DYRK3: variants seen among roughly 807,000 people sequenced by gnomAD.
The protein encoded by DYRK3 is dual specificity tyrosine-phosphorylation-regulated kinase 3.
In DYRK3, 30 loss-of-function variants were observed where a neutral mutation model predicts 40.8. The ratio of observed to expected loss-of-function variants is 0.74; its 90% CI spans 0.55 to 1.00. The LOEUF is 1.00. Ranked by LOEUF, DYRK3 falls within the 50% of genes least tolerant of loss-of-function variation. The pLI is 0.00. For synonymous variants in DYRK3, 272 were observed against 260.7 expected (o/e 1.04, Z -0.42); for missense variants, 699 against 731.5 (o/e 0.96, Z 0.51).
rs541868763 is a variant in DYRK3 at position 206,646,097 on chromosome 1, GCCTTGGCCTC to G, written c.190-1288_190-1279del. On this transcript the variant is annotated intron_variant, in intron 2 of 2. Transcript: ENST00000367109. ...ACTTCTAACCTCAAGTGATCCACCT[GCCTTGGCCTC>G]CCAGAGTGCTGGGATTACAGGCGTG... 5.9e-5 allele frequency among the ~76,000 whole-genome samples: 9 copies of G among 152,262 alleles called. 1 individual carries two copies. The South Asian group carries it at 1.7e-3, about 28-fold the overall frequency.
rs1671583879 is a variant in DYRK3, at chr1:206,649,830, A to C, written c.*865A>C. On this transcript the variant is annotated 3_prime_UTR_variant, in exon 3 of 3. Coordinates refer to ENST00000367109, the MANE Select transcript of DYRK3 (RefSeq NM_003582.4). ...AGCCTCCTTGCTGCATTTTCATAGA[A>C]TCTCTTCCTTATAAAAGTAATCACT... Among the ~76,000 whole-genome samples, 2 of 152,166 alleles carry C rather than the reference A, an allele frequency of 1.3e-5. No homozygotes were observed. Among genetic ancestry groups the C allele is most frequent in the Admixed American group, 6.5e-5 (1 of 15,278 alleles).
At chr1:206,643,669 G>A (rs150978994) in intron 2 of DYRK3, among the ~76,000 whole-genome samples, 11 of 152,222 alleles carry the variant, frequency 7.2e-5, no homozygotes, top group Middle Eastern at 3.4e-3. Context: ...TTTTATGTGG[G>A]GAGAAAGTGG....
chr1:206,640,606 A>C (rs1417087831), intron 2 of DYRK3, among the ~76,000 whole-genome samples: 1 of 145,284 alleles, frequency 6.9e-6, no homozygotes, highest in Non-Finnish European at 1.5e-5. Flanking sequence ...GCTGGAGTGC[A>C]GTGGCACTAT....
In DYRK3 at chr1:206,635,793, C is replaced by T. The variant is rs1406178817; in HGVS notation, c.77+13C>T. On this transcript the variant is annotated intron_variant, in intron 1 of 2. Coordinates refer to ENST00000367109, the MANE Select transcript of DYRK3 (RefSeq NM_003582.4). ...CCCAGCAGCGGAGGTAACGGCGCCACGGGGTAACGGGCTGGAGGCGCCACA... is the reference window on the plus strand; with the variant it reads ...CCCAGCAGCGGAGGTAACGGCGCCATGGGGTAACGGGCTGGAGGCGCCACA... 7.2e-6 allele frequency: 9 copies of T among 1,241,794 alleles called. No homozygotes were observed. The highest frequency in any genetic ancestry group is 8.4e-5 in the Admixed American group (2 of 23,752). 76.9% of individuals were successfully genotyped at this position (1,241,794 alleles called of 1,614,324 possible).
Position 206,635,562 on chromosome 1 carries a change from C to G in DYRK3, c.-142C>G, listed in dbSNP as rs1484105776. On this transcript the variant is annotated 5_prime_UTR_variant, in exon 1 of 3. Transcript: ENST00000367109. Reference sequence around the variant, plus strand: ...CTTCCCAGCCGGGGCCAGTCGGGAGCGAAAGTGCGCTGAGCTGCAGTGTCT... The same window carrying G: ...CTTCCCAGCCGGGGCCAGTCGGGAGGGAAAGTGCGCTGAGCTGCAGTGTCT... 4 of 1,101,942 alleles carry G rather than the reference C, an allele frequency of 3.6e-6. No individual in the cohort carries two copies. Among genetic ancestry groups the G allele is most frequent in the Non-Finnish European group, 4.6e-6 (4 of 870,148 alleles). The allele number at this position is 1,101,942 out of a possible 1,614,324, so 68.3% of individuals were successfully genotyped here.
intron 2 of DYRK3, among the ~76,000 whole-genome samples, chr1:206,643,390 G>C (rs1187925813): frequency 1.3e-5 from 2 of 152,148 alleles, no homozygotes; most frequent in East Asian, 3.8e-4. Context: ...ATATGTATCT[G>C]TTCTTATTAA....
chr1:206,635,962 C>G (rs1558553491), intron 1 of DYRK3, 182 bp downstream of exon 1: 18 of 1,334,854 alleles, frequency 1.3e-5, no homozygotes, highest in Non-Finnish European at 1.7e-5. Flanking sequence ...TCCCCCCATC[C>G]CTGTCTCACC....
At chr1:206,637,588 A>C in intron 1 of DYRK3, 62 bp from the exon 2 acceptor site, 1 of 1,154,888 alleles carries the variant, frequency 8.7e-7, no homozygotes, top group Non-Finnish European at 1.3e-6. Context: ...TGAAGCAGTT[A>C]AGACATAGGA....
chr1:206,639,345 A>G (rs1347777604), intron 2 of DYRK3, among the ~76,000 whole-genome samples: 3 of 152,010 alleles, frequency 2.0e-5, no homozygotes, highest in Non-Finnish European at 4.4e-5. Flanking sequence ...TCAGAACCAT[A>G]TACATCTTGT....
At position 206,652,600 on chromosome 1, in the gene DYRK3, C is replaced by G. The variant is rs997137737; in HGVS notation, c.*3635C>G. ...AGCAGAGTCATTGAAGTTGGCATAC[C>G]TGTCTTCTGCAGGCCAATTCAAGTT... On this transcript the variant is annotated 3_prime_UTR_variant, in exon 3 of 3. Transcript: ENST00000367109. 2.0e-5 allele frequency among the ~76,000 whole-genome samples: 3 copies of G among 152,178 alleles called. No individual in the cohort carries two copies. Among genetic ancestry groups the G allele is most frequent in the Non-Finnish European group, 2.9e-5 (2 of 68,030 alleles).
In DYRK3 at chr1:206,648,001, G is replaced by T. The variant is rs1671509678; in HGVS notation, c.803G>T (p.Ser268Ile). Reference protein sequence around the residue: ...EHLKKQDKTGSMNVIHMLESF... With the variant: ...EHLKKQDKTGIMNVIHMLESF... The stretch of plus-strand genomic sequence containing the variant: ...CTTAAGAAACAGGATAAAACTGGTA[G>T]TATGAACGTTATCCACATGCTGGAA... Residue 268 changes from serine to isoleucine, a missense_variant, in exon 3 of 3, where the codon AGT (serine) becomes ATT (isoleucine). Coordinates refer to ENST00000367109, the MANE Select transcript of DYRK3 (RefSeq NM_003582.4). 5.0e-6 allele frequency: 8 copies of T among 1,614,012 alleles called. No individual in the cohort carries two copies. The highest frequency in any genetic ancestry group is 6.8e-6 in the Non-Finnish European group (8 of 1,180,036).
Position 206,647,616 on chromosome 1 carries a change from C to A in DYRK3, c.418C>A (p.Pro140Thr), listed in dbSNP as rs1671493070. 2 of 1,614,070 alleles carry A rather than the reference C, an allele frequency of 1.2e-6. No homozygotes were observed. Among genetic ancestry groups the A allele is most frequent in the African/African-American group, 2.7e-5 (2 of 74,910 alleles). The part of the protein sequence containing the change: ...NSSSKAPKVV[P>T]LTPEQALKQY... ...TTCATCCAAGGCACCCAAAGTGGTG[C>A]CTCTGACTCCAGAACAAGCCCTGAA... Residue 140 changes from proline to threonine, a missense_variant, in exon 3 of 3, where the codon CCT becomes ACT. By Grantham distance (38) the Pro-to-Thr change is conservative. Coordinates refer to ENST00000367109, the MANE Select transcript of DYRK3 (RefSeq NM_003582.4).
At chr1:206,636,986 T>A in intron 1 of DYRK3, 1 of 1,572,500 alleles carries the variant, frequency 6.4e-7, no homozygotes, top group Non-Finnish European at 8.8e-7. Flanking sequence ...CAATACATTT[T>A]ATAATTTAGA....
Position 206,654,719 on chromosome 1 carries a change from T to C in DYRK3, c.*5754T>C, listed in dbSNP as rs1320315850. Among the ~76,000 whole-genome samples the C allele has an allele frequency of 3.9e-5, 6 of 152,090 alleles. No individual in the cohort carries two copies. The highest frequency in any genetic ancestry group is 3.9e-4 in the Admixed American group (6 of 15,276). On this transcript the variant is annotated 3_prime_UTR_variant, in exon 3 of 3. Transcript: ENST00000367109. ...ACCCATCCATAAAAGGACTAAAAGC[T>C]CTCTCTGGTCCCTGAGATCCACAAC...
chr1:206,644,319 G>C lies in DYRK3; in HGVS notation c.190-3069G>C, dbSNP rs572571603. Reference sequence around the variant, plus strand: ...AAAAGTGCTGGGATTACAGGCGTGAGCCACCACACCTGGCTGGACCTACAG... The same window carrying C: ...AAAAGTGCTGGGATTACAGGCGTGACCCACCACACCTGGCTGGACCTACAG... On this transcript the variant is annotated intron_variant, in intron 2 of 2. Coordinates refer to ENST00000367109, the MANE Select transcript of DYRK3 (RefSeq NM_003582.4). Among the ~76,000 whole-genome samples, 3 of 152,020 alleles carry C rather than the reference G, an allele frequency of 2.0e-5. No individual in the cohort carries two copies. The East Asian group carries it at 5.8e-4, about 29-fold the overall frequency.
At position 206,644,657 on chromosome 1, in the gene DYRK3, A is replaced by C. The variant is rs559302758; in HGVS notation, c.190-2731A>C. Among the ~76,000 whole-genome samples the C allele has an allele frequency of 2.0e-5, 3 of 152,288 alleles. No homozygotes were observed. In the East Asian group the frequency reaches 5.8e-4, roughly 29 times the overall value. ...CCAGTTCAAGCAATTCTCCTGCCTCAGCCTCCCAAGTAGCTGGGAATGCAG... is the reference window on the plus strand; with the variant it reads ...CCAGTTCAAGCAATTCTCCTGCCTCCGCCTCCCAAGTAGCTGGGAATGCAG... On this transcript the variant is annotated intron_variant, in intron 2 of 2. Coordinates refer to ENST00000367109, the MANE Select transcript of DYRK3 (RefSeq NM_003582.4).
chr1:206,646,081 C>G (rs1021642955), intron 2 of DYRK3, among the ~76,000 whole-genome samples: 23 of 152,246 alleles, frequency 1.5e-4, no homozygotes, highest in African/African-American at 4.8e-4. Context: ...AACTTCTAAC[C>G]TCAAGTGATC....
In DYRK3 at chr1:206,647,368, A is replaced by T; in HGVS notation, c.190-20A>T. The T allele has an allele frequency of 2.6e-6, 4 of 1,558,862 alleles. No homozygotes were observed. In the South Asian group the frequency reaches 4.9e-5, roughly 19 times the overall value. ...CTTTCTAATGTTTTTAATGACTTAT[A>T]TTCATTTTCTCTTTCATAGATGACC... On this transcript the variant is annotated intron_variant, in intron 2 of 2. Transcript: ENST00000367109.
intron 2 of DYRK3, among the ~76,000 whole-genome samples, chr1:206,646,140 A>G (rs1553420076): frequency 6.6e-6 from 1 of 152,206 alleles, no homozygotes; most frequent in African/African-American, 2.4e-5. Context: ...GTGAGACACC[A>G]CACGTGGCCA....
Sources: allele counts gnomAD v4.1 joint callset (sites outside exome capture counted in the v4.1 genomes callset), GRCh38; gene constraint gnomAD v4.1.1; transcripts MANE v1.5; gene names NCBI Gene and HGNC (gene_info 2026-07-23, HGNC 2026-07-21).